ATRNL1: variants seen among roughly 807,000 people sequenced by gnomAD.
The protein encoded by ATRNL1 is attractin-like protein 1.
In ATRNL1, 95 loss-of-function variants were observed where a neutral mutation model predicts 182.7. That is an observed-to-expected ratio of 0.52 (90% CI 0.44 to 0.62). ATRNL1 has a LOEUF of 0.62. Ranked by LOEUF, ATRNL1 falls within the 20% of genes least tolerant of loss-of-function variation. The pLI, the probability that ATRNL1 is intolerant of heterozygous loss-of-function variation, is 0.00. For synonymous variants in ATRNL1, 576 were observed against 568.3 expected, an observed-to-expected ratio of 1.01 and a Z score of -0.19; for missense variants, 1,471 against 1,679.5, an observed-to-expected ratio of 0.88 and a Z score of 2.17.
intron 8 of ATRNL1, among the ~76,000 whole-genome samples, chr10:115,204,867 T>C (rs1564819055): frequency 6.6e-6 from 1 of 152,112 alleles, no homozygotes; most frequent in Non-Finnish European, 1.5e-5. Context: ...TCTTTAGATA[T>C]TTGGCAGAAT....
intron 26 of ATRNL1, among the ~76,000 whole-genome samples, chr10:115,606,239 C>G (rs569753485): frequency 9.9e-5 from 15 of 151,842 alleles, no homozygotes; most frequent in Non-Finnish European, 1.8e-4. Flanking sequence ...ACATTAGGCT[C>G]GCATATTTGA....
chr10:115,141,705 TATA>T (rs1463425595), intron 5 of ATRNL1, among the ~76,000 whole-genome samples: 3 of 152,126 alleles, frequency 2.0e-5, no homozygotes, highest in African/African-American at 7.2e-5. Flanking sequence ...CCTTTAGAAA[TATA>T]ATAATAATGA....
chr10:115,728,269 T>G (rs1593132823), intron 27 of ATRNL1, among the ~76,000 whole-genome samples: 1 of 116,606 alleles, frequency 8.6e-6, no homozygotes, highest in African/African-American at 3.4e-5. Context: ...CACTCCAGCC[T>G]GGGCGACAGA....
intron 27 of ATRNL1, among the ~76,000 whole-genome samples, chr10:115,801,641 G>GC (rs1555084392): frequency 6.6e-6 from 1 of 152,134 alleles, no homozygotes; most frequent in African/African-American, 2.4e-5. Flanking sequence ...CACTCACACA[G>GC]CTTAGTGTCA....
chr10:115,470,629 A>T (rs1554971936), intron 24 of ATRNL1, among the ~76,000 whole-genome samples: 3 of 150,580 alleles, frequency 2.0e-5, no homozygotes, highest in African/African-American at 7.3e-5. Flanking sequence ...AAAAAATTAC[A>T]TAGTTATTTT....
At chr10:115,851,181 T>A (rs1951046812) in intron 28 of ATRNL1, among the ~76,000 whole-genome samples, 1 of 152,120 alleles carries the variant, frequency 6.6e-6, no homozygotes, top group Non-Finnish European at 1.5e-5. Context: ...GTGTCATGTG[T>A]ACTCTCCGTT....
chr10:115,502,953 T>G (rs938735793), intron 24 of ATRNL1, among the ~76,000 whole-genome samples: 2 of 152,120 alleles, frequency 1.3e-5, no homozygotes, highest in Non-Finnish European at 2.9e-5. Context: ...TTTTGGGCCT[T>G]GAGGAGTTGA....
intron 27 of ATRNL1, among the ~76,000 whole-genome samples, chr10:115,836,861 C>T (rs1422526383): frequency 6.6e-6 from 1 of 152,278 alleles, no homozygotes; most frequent in African/African-American, 2.4e-5. Flanking sequence ...TGTATTTGTG[C>T]TGTGGATCTT....
intron 10 of ATRNL1, among the ~76,000 whole-genome samples, chr10:115,247,624 A>G (rs1000650101): frequency 1.3e-5 from 2 of 152,206 alleles, no homozygotes; most frequent in South Asian, 2.1e-4. Flanking sequence ...AGGTTCTTCA[A>G]AAACTACAAA....
intron 26 of ATRNL1, among the ~76,000 whole-genome samples, chr10:115,674,016 C>G (rs1357650814): frequency 3.9e-5 from 6 of 152,082 alleles, no homozygotes; most frequent in African/African-American, 1.4e-4. Context: ...CAACTGGGCC[C>G]AGCCTCCAAG....
chr10:115,713,258 A>C (rs1947118375), intron 26 of ATRNL1, among the ~76,000 whole-genome samples: 1 of 152,300 alleles, frequency 6.6e-6, no homozygotes, highest in East Asian at 1.9e-4. Flanking sequence ...TTAATTTTTA[A>C]ATTCAACAAA....
chr10:115,586,541 C>G (rs1278326175), intron 26 of ATRNL1, among the ~76,000 whole-genome samples: 2 of 97,984 alleles, frequency 2.0e-5, no homozygotes, highest in African/African-American at 5.7e-5. Flanking sequence ...TCCAGTTGTT[C>G]GCATCGGCTC....
intron 18 of ATRNL1, among the ~76,000 whole-genome samples, chr10:115,332,706 TTGTC>T (rs2056506595): frequency 1.3e-5 from 2 of 152,210 alleles, no homozygotes. Flanking sequence ...ACTCTTTTGT[TTGTC>T]TGTTTCTTCA....
intron 19 of ATRNL1, among the ~76,000 whole-genome samples, chr10:115,394,146 A>G (rs1253146744): frequency 6.6e-6 from 1 of 152,046 alleles, no homozygotes; most frequent in African/African-American, 2.4e-5. Flanking sequence ...TAAGTGCTCA[A>G]TATGTGTTAT....
chr10:115,871,582 C>T lies in ATRNL1; in HGVS notation c.4018+23591C>T, dbSNP rs530852332. Among the ~76,000 whole-genome samples, 13 of 150,626 alleles carry T rather than the reference C, an allele frequency of 8.6e-5. No individual in the cohort carries two copies. The South Asian group carries it at 2.3e-3, about 27-fold the overall frequency. ...AATAAATAAGCTAAATGAAAAGCATCCAAGGAAAGGAACTACTCAAAGAAG... is the reference window on the plus strand; with the variant it reads ...AATAAATAAGCTAAATGAAAAGCATTCAAGGAAAGGAACTACTCAAAGAAG... On this transcript the variant is annotated intron_variant, in intron 28 of 28. Transcript: ENST00000355044.
At chr10:115,717,108 T>TA (rs1555056513) in intron 26 of ATRNL1, among the ~76,000 whole-genome samples, 1 of 152,128 alleles carries the variant, frequency 6.6e-6, no homozygotes, top group Non-Finnish European at 1.5e-5. Context: ...CCTTTTGTAT[T>TA]AAAAAAGGTT....
intron 20 of ATRNL1, among the ~76,000 whole-genome samples, chr10:115,401,018 TACTA>T (rs1554956864): frequency 1.3e-5 from 2 of 152,082 alleles, no homozygotes; most frequent in African/African-American, 4.8e-5. Context: ...GCAGTAAGTG[TACTA>T]ACTAAATGTA....
chr10:115,116,686 A>T (rs1342181068), intron 1 of ATRNL1, among the ~76,000 whole-genome samples: 1 of 152,062 alleles, frequency 6.6e-6, no homozygotes, highest in African/African-American at 2.4e-5. Flanking sequence ...CCCTTTACGC[A>T]TGTCTTTTGG....
intron 26 of ATRNL1, among the ~76,000 whole-genome samples, chr10:115,672,644 T>C (rs1945734724): frequency 6.6e-6 from 1 of 152,086 alleles, no homozygotes; most frequent in Non-Finnish European, 1.5e-5. Flanking sequence ...GTAATAACTT[T>C]TCTTATTACA....
Sources: gnomAD v4.1 joint callset for allele counts (sites outside exome capture counted in the v4.1 genomes callset) on GRCh38, gnomAD v4.1.1 for gene constraint, MANE v1.5 for transcripts, NCBI Gene and HGNC (gene_info 2026-07-23, HGNC 2026-07-21) for gene names.